The following CNTN5 variants were observed in gnomAD, a reference collection of about 807,000 sequenced individuals.
CNTN5 encodes contactin 5, also known as contactin-5.
A neutral mutation model predicts 129.1 loss-of-function variants in CNTN5; 77 were observed. The ratio of observed to expected loss-of-function variants is 0.60; its 90% CI spans 0.50 to 0.72. The LOEUF (loss-of-function observed/expected upper bound fraction) is 0.72. Ranked by LOEUF, CNTN5 falls within the 30% of genes least tolerant of loss-of-function variation. CNTN5 has a pLI of 0.00. For missense variants in CNTN5, 1,478 were observed against 1,328.8 expected, an observed-to-expected ratio of 1.11 and a Z score of -1.75; for synonymous variants, 509 against 465.6, an observed-to-expected ratio of 1.09 and a Z score of -1.20.
chr11:99,961,856 A>T (rs991286309), intron 8 of CNTN5, among the ~76,000 whole-genome samples: 8 of 152,110 alleles, frequency 5.3e-5, no homozygotes, highest in African/African-American at 1.9e-4. Context: ...GGTCATCCAC[A>T]CACCCCATTC....
intron 2 of CNTN5, among the ~76,000 whole-genome samples, chr11:99,509,315 C>T (rs942076534): frequency 6.6e-6 from 1 of 151,982 alleles, no homozygotes; most frequent in Admixed American, 6.6e-5. Context: ...AGTCAGTTCA[C>T]CATCGTACAT....
intron 3 of CNTN5, among the ~76,000 whole-genome samples, chr11:99,811,289 A>G (rs1045488570): frequency 1.2e-4 from 18 of 151,948 alleles, no homozygotes; most frequent in African/African-American, 3.4e-4. Context: ...AGAATTCTGA[A>G]GTTTTATTGG....
intron 2 of CNTN5, among the ~76,000 whole-genome samples, chr11:99,535,066 G>A (rs1255341356): frequency 6.6e-6 from 1 of 152,162 alleles, no homozygotes; most frequent in Non-Finnish European, 1.5e-5. Flanking sequence ...TAGGTCAGAT[G>A]AAGAATATAG....
At chr11:99,054,157 G>C (rs1305161532) in intron 1 of CNTN5, among the ~76,000 whole-genome samples, 1 of 151,952 alleles carries the variant, frequency 6.6e-6, no homozygotes, top group Non-Finnish European at 1.5e-5. Flanking sequence ...ACCCTTGAGA[G>C]TCTGGAATCA....
intron 3 of CNTN5, among the ~76,000 whole-genome samples, chr11:99,743,088 T>C (rs917925434): frequency 6.6e-6 from 1 of 152,178 alleles, no homozygotes; most frequent in Admixed American, 6.5e-5. Flanking sequence ...TAAGAAAAAT[T>C]CATTGCTTTG....
At chr11:99,958,721 A>G (rs544691281) in intron 8 of CNTN5, among the ~76,000 whole-genome samples, 1 of 152,322 alleles carries the variant, frequency 6.6e-6, no homozygotes, top group South Asian at 2.1e-4. Flanking sequence ...TCTATAAGCT[A>G]TTTCTCCAAA....
intron 1 of CNTN5, among the ~76,000 whole-genome samples, chr11:99,311,179 G>A (rs1216263364): frequency 1.3e-5 from 2 of 151,998 alleles, no homozygotes; most frequent in African/African-American, 2.4e-5. Context: ...CGCCCGCCTC[G>A]GCCTCTCAAA....
chr11:100,259,914 A>AAGCT (rs554056677), intron 17 of CNTN5, among the ~76,000 whole-genome samples: 801 of 152,256 alleles, frequency 5.3e-3, no homozygotes, highest in Middle Eastern at 0.01. Flanking sequence ...ACAAATTCAA[A>AAGCT]AGCTAGCAGA....
intron 1 of CNTN5, among the ~76,000 whole-genome samples, chr11:99,119,600 G>A (rs765310774): frequency 3.3e-5 from 5 of 151,966 alleles, no homozygotes; most frequent in South Asian, 2.1e-4. Context: ...ATGAACATAC[G>A]CATACATGTG....
intron 3 of CNTN5, among the ~76,000 whole-genome samples, chr11:99,807,014 C>T (rs932696275): frequency 4.0e-5 from 6 of 151,682 alleles, no homozygotes; most frequent in Non-Finnish European, 7.4e-5. Context: ...TCAAGGAAAA[C>T]AAATCAGAAC....
Position 100,069,548 on chromosome 11 carries a change from G to A in CNTN5, c.1163-876G>A, listed in dbSNP as rs116770554. ...CTCTACCGCAGCAAAAACTCTTTTA[G>A]AGCCGCTCTGTTTCTGTATTCTTAA... On this transcript the variant is annotated intron_variant, in intron 10 of 24. Transcript: ENST00000524871. 9.4e-3 allele frequency among the ~76,000 whole-genome samples: 1,432 copies of A among 152,140 alleles called. 26 individuals carry two copies. Among genetic ancestry groups the A allele is most frequent in the African/African-American group, 0.033 (1,351 of 41,474 alleles).
At chr11:99,623,741 C>CAAAAAAA (rs5794000) in intron 3 of CNTN5, among the ~76,000 whole-genome samples, 7 of 130,276 alleles carry the variant, frequency 5.4e-5, no homozygotes, top group East Asian at 2.4e-4. Context: ...GAGAAAGATA[C>CAAAAAAA]AAAAAATAAA....
chr11:99,480,659 A>C (rs561763539), intron 2 of CNTN5, among the ~76,000 whole-genome samples: 1 of 152,142 alleles, frequency 6.6e-6, no homozygotes, highest in Non-Finnish European at 1.5e-5. Context: ...GAGTGTATCT[A>C]TGTAACTTCT....
chr11:100,046,120 C>T (rs1304193440), intron 9 of CNTN5, among the ~76,000 whole-genome samples: 1 of 119,480 alleles, frequency 8.4e-6, no homozygotes, highest in Non-Finnish European at 1.6e-5. Context: ...GGGAACATCA[C>T]ACTCTGGGGA....
chr11:99,258,917 A>G (rs7117538), intron 1 of CNTN5, among the ~76,000 whole-genome samples: 93,088 of 151,612 alleles, frequency 0.61, 29,316 homozygotes, highest in African/African-American at 0.75. Flanking sequence ...ACTCATATCC[A>G]AAAGGATACT....
intron 3 of CNTN5, among the ~76,000 whole-genome samples, chr11:99,618,830 C>G (rs978784271): frequency 5.3e-5 from 8 of 151,800 alleles, no homozygotes; most frequent in African/African-American, 1.9e-4. Flanking sequence ...ATCTCATTTA[C>G]CCCATAAATA....
intron 3 of CNTN5, among the ~76,000 whole-genome samples, chr11:99,724,584 C>T (rs574663274): frequency 1.3e-5 from 2 of 152,040 alleles, no homozygotes; most frequent in African/African-American, 2.4e-5. Flanking sequence ...AATGAGAAAG[C>T]GAAGAACAGA....
At chr11:100,244,706 G>A (rs2138691804) in intron 16 of CNTN5, among the ~76,000 whole-genome samples, 1 of 152,230 alleles carries the variant, frequency 6.6e-6, no homozygotes, top group South Asian at 2.1e-4. Context: ...TAGGATATCT[G>A]TAATATGTCC....
intron 3 of CNTN5, among the ~76,000 whole-genome samples, chr11:99,638,992 C>T (rs1185665547): frequency 6.6e-6 from 1 of 152,188 alleles, no homozygotes; most frequent in Non-Finnish European, 1.5e-5. Flanking sequence ...ATCTGTACTG[C>T]CCTAGAAGAG....
Sources: gnomAD v4.1 joint callset for allele counts (sites outside exome capture counted in the v4.1 genomes callset) on GRCh38, gnomAD v4.1.1 for gene constraint, MANE v1.5 for transcripts, NCBI Gene and HGNC (gene_info 2026-07-23, HGNC 2026-07-21) for gene names.